Variants in MDGA2 observed in about 807,000 individuals in gnomAD.
MDGA2 encodes the protein MAM domain-containing glycosylphosphatidylinositol anchor protein 2.
A neutral mutation model predicts 117.8 loss-of-function variants in MDGA2; 40 were observed. The observed-to-expected ratio is 0.34, with a 90% CI of 0.26 to 0.44. The LOEUF is 0.44. Ranked by LOEUF, MDGA2 falls within the 20% of genes least tolerant of loss-of-function variation. The probability of loss-of-function intolerance (pLI) is 1.00; values close to 1 mark genes in which losing one functional copy is unlikely to be tolerated. For missense variants in MDGA2, 1,123 were observed against 1,250.6 expected (o/e 0.90, Z 1.54); for synonymous variants, 452 against 439.0 (o/e 1.03, Z -0.37).
At chr14:47,633,931 T>A (rs1897280544) in intron 1 of MDGA2, among the ~76,000 whole-genome samples, 1 of 152,156 alleles carries the variant, frequency 6.6e-6, no homozygotes. Context: ...ACAAACTCCC[T>A]ACATTAAAAT....
At chr14:47,639,040 G>T (rs2900010) in intron 1 of MDGA2, among the ~76,000 whole-genome samples, 1 of 151,960 alleles carries the variant, frequency 6.6e-6, no homozygotes. Flanking sequence ...ACATAATTTA[G>T]GTCTTTGATG....
At chr14:46,858,073 T>C (rs1881345148) in intron 14 of MDGA2, among the ~76,000 whole-genome samples, 1 of 151,392 alleles carries the variant, frequency 6.6e-6, no homozygotes, top group Non-Finnish European at 1.5e-5. Context: ...AAAGTACTTA[T>C]ATATAATGTA....
chr14:47,044,703 A>G (rs1207533495), intron 7 of MDGA2, among the ~76,000 whole-genome samples: 1 of 152,216 alleles, frequency 6.6e-6, no homozygotes, highest in African/African-American at 2.4e-5. Flanking sequence ...CTAACTAAAC[A>G]GGATTGACAA....
chr14:47,670,234 T>C (rs547051991), intron 1 of MDGA2, among the ~76,000 whole-genome samples: 2 of 152,340 alleles, frequency 1.3e-5, no homozygotes, highest in South Asian at 4.1e-4. Context: ...GGACAGTGAA[T>C]TAACCATTTC....
intron 1 of MDGA2, among the ~76,000 whole-genome samples, chr14:47,519,032 C>T (rs1490386852): frequency 3.3e-5 from 5 of 151,836 alleles, no homozygotes; most frequent in African/African-American, 9.7e-5. Context: ...GGTGAAACCC[C>T]GTCTCTACTA....
At position 46,873,585 on chromosome 14, in the gene MDGA2, T is replaced by G; in HGVS notation, c.2600A>C (p.Tyr867Ser). 6.2e-7 allele frequency: 1 copy of G among 1,610,876 alleles called. No homozygotes were observed. The part of the protein sequence containing the change: ...ADRSGSKEGF[Y>S]MYIETSRPRL... ...GGGTCGTGATGTCTCAATGTACATA[T>G]AAAAACCTTAAAACAGACAAAATAA... Residue 867 changes from tyrosine (Y) to serine (S), a missense_variant, in exon 14 of 17, where the codon TAT (tyrosine) becomes TCT (serine). This residue lies in a region of MDGA2 where 890 missense variants were observed against 1,050.3 expected (regional missense o/e 0.85). Coordinates refer to ENST00000399232, the MANE Select transcript of MDGA2 (RefSeq NM_001113498.3).
At chr14:46,870,979 T>C (rs1347725452) in intron 14 of MDGA2, 7 of 151,928 alleles carry the variant, frequency 4.6e-5, no homozygotes, top group Non-Finnish European at 1.0e-4. Context: ...AATTAAAATA[T>C]GTGATCCAAT....
At chr14:47,059,330 G>A (rs1375026516) in intron 7 of MDGA2, 7 of 1,275,140 alleles carry the variant, frequency 5.5e-6, no homozygotes, top group Non-Finnish European at 7.2e-6. Context: ...CTTTCCAGGG[G>A]TAGTGTTTTG....
At chr14:47,540,110 TTCAC>T in intron 1 of MDGA2, among the ~76,000 whole-genome samples, 1 of 151,956 alleles carries the variant, frequency 6.6e-6, no homozygotes, top group South Asian at 2.1e-4. Context: ...CCCCCCGGGG[TTCAC>T]GCCATTCATC....
In MDGA2 at chr14:46,920,046, T is replaced by C. The variant is rs1339765681; in HGVS notation, c.2204A>G (p.Asp735Gly). 6.3e-7 allele frequency: 1 copy of C among 1,590,920 alleles called. No homozygotes were observed. Among genetic ancestry groups the C allele is most frequent in the South Asian group, 1.2e-5 (1 of 84,998 alleles). ...GCCCAACCGGTATGCAACAATCCGA[T>C]CCACTGCATCAGGATTCATCTGTGT... ...QWTQMNPDAV[D>G]RIVAYRLGIR... is the part of the protein sequence containing the mutation. The change falls in exon 10 of 17, where the codon GAT (aspartate) becomes GGT (glycine). Residue 735 changes from aspartate to glycine, a missense_variant. Around this residue, in one of 2 missense-constraint regions of MDGA2, gnomAD observed 890 missense variants for 1,050.3 expected, o/e 0.85. Transcript: ENST00000399232.
rs369143049 is a variant in MDGA2 at position 47,559,599 on chromosome 14, G to C, written c.280+114918C>G. 1.2e-3 allele frequency among the ~76,000 whole-genome samples: 182 copies of C among 145,724 alleles called. 1 individual carries two copies. The highest frequency in any genetic ancestry group is 4.4e-3 in the African/African-American group (171 of 38,820). On this transcript the variant is annotated intron_variant, in intron 1 of 16. Transcript: ENST00000399232. ...TTCTTTTTTTTTTTTTTTAGACAAA[G>C]TCTCACTCTGTCGCCCAGGCTGGAG...
At chr14:47,373,677 G>A (rs1402256961) in intron 1 of MDGA2, among the ~76,000 whole-genome samples, 2 of 152,036 alleles carry the variant, frequency 1.3e-5, no homozygotes, top group South Asian at 4.1e-4. Flanking sequence ...GATGGTGAGT[G>A]ACTGCTAATG....
At chr14:47,435,357 G>A (rs146713879) in intron 1 of MDGA2, among the ~76,000 whole-genome samples, 171 of 151,942 alleles carry the variant, frequency 1.1e-3, no homozygotes, top group Middle Eastern at 3.4e-3. Context: ...AAATATTTTT[G>A]GCTGCTGTAT....
chr14:47,670,730 T>C (rs957035088), intron 1 of MDGA2, among the ~76,000 whole-genome samples: 1 of 152,152 alleles, frequency 6.6e-6, no homozygotes, highest in Non-Finnish European at 1.5e-5. Flanking sequence ...TAGATACCAG[T>C]TCATTTAATG....
At chr14:47,129,760 C>T (rs1882103526) in intron 5 of MDGA2, among the ~76,000 whole-genome samples, 2 of 143,570 alleles carry the variant, frequency 1.4e-5, no homozygotes, top group African/African-American at 5.3e-5. Flanking sequence ...CCTGTTGTTT[C>T]CTGACTTTTT....
intron 1 of MDGA2, among the ~76,000 whole-genome samples, chr14:47,511,699 T>C (rs1894644422): frequency 6.6e-6 from 1 of 152,178 alleles, no homozygotes; most frequent in South Asian, 2.1e-4. Context: ...TTTTTGTATA[T>C]TGCACACACC....
At chr14:47,635,627 A>G (rs528532901) in intron 1 of MDGA2, among the ~76,000 whole-genome samples, 26 of 152,328 alleles carry the variant, frequency 1.7e-4, no homozygotes, top group African/African-American at 6.0e-4. Flanking sequence ...CAAGGCTAGA[A>G]AAATATCAAT....
At chr14:47,380,576 T>C (rs537236942) in intron 1 of MDGA2, among the ~76,000 whole-genome samples, 1 of 152,122 alleles carries the variant, frequency 6.6e-6, no homozygotes, top group Non-Finnish European at 1.5e-5. Flanking sequence ...CATCAGAGAA[T>C]ACTACAAACA....
At chr14:47,003,435 C>T (rs1306259179) in intron 8 of MDGA2, among the ~76,000 whole-genome samples, 1 of 151,922 alleles carries the variant, frequency 6.6e-6, no homozygotes, top group South Asian at 2.1e-4. Context: ...AACAGCAGAG[C>T]ATGTTAAGTT....
Sources: allele counts gnomAD v4.1 joint callset (sites outside exome capture counted in the v4.1 genomes callset), GRCh38; gene constraint gnomAD v4.1.1; regional missense constraint gnomAD v4.1.1; transcripts MANE v1.5; gene names NCBI Gene and HGNC (gene_info 2026-07-23, HGNC 2026-07-21).